Variants in ADGRB3 observed in about 807,000 individuals in gnomAD.
ADGRB3 encodes the protein brain-specific angiogenesis inhibitor 3.
A neutral mutation model predicts 193.4 loss-of-function variants in ADGRB3; 37 were observed. The ratio of observed to expected loss-of-function variants is 0.19; its 90% CI spans 0.15 to 0.25. The LOEUF (loss-of-function observed/expected upper bound fraction) is 0.25. ADGRB3 is among the 10% of genes least tolerant of loss of function. The pLI, the probability that ADGRB3 is intolerant of heterozygous loss-of-function variation, is 1.00. For missense variants in ADGRB3, 1,637 were observed against 1,852.9 expected, an observed-to-expected ratio of 0.88 and a Z score of 2.14; for synonymous variants, 690 against 644.2, an observed-to-expected ratio of 1.07 and a Z score of -1.08.
chr6:68,919,453 T>C (rs921833353), intron 3 of ADGRB3, among the ~76,000 whole-genome samples: 3 of 152,100 alleles, frequency 2.0e-5, no homozygotes, highest in African/African-American at 4.8e-5. Flanking sequence ...AAAATGTATA[T>C]TGGCCGATGA....
At chr6:68,894,175 A>G (rs1162981431) in intron 3 of ADGRB3, among the ~76,000 whole-genome samples, 1 of 151,926 alleles carries the variant, frequency 6.6e-6, no homozygotes. Context: ...TCCATGACCC[A>G]TTGCTTGGCA....
At chr6:68,662,709 A>G (rs1187464949) in intron 3 of ADGRB3, among the ~76,000 whole-genome samples, 1 of 151,474 alleles carries the variant, frequency 6.6e-6, no homozygotes, top group Non-Finnish European at 1.5e-5. Context: ...ACAATGTATC[A>G]TCTATAAAAA....
chr6:68,825,417 A>G (rs1767824425), intron 3 of ADGRB3, among the ~76,000 whole-genome samples: 5 of 152,200 alleles, frequency 3.3e-5, no homozygotes, highest in Admixed American at 2.6e-4. Flanking sequence ...ACATAAACAG[A>G]ATTTTCATTT....
At chr6:68,772,070 A>G (rs977741970) in intron 3 of ADGRB3, among the ~76,000 whole-genome samples, 1 of 152,164 alleles carries the variant, frequency 6.6e-6, no homozygotes, top group Non-Finnish European at 1.5e-5. Flanking sequence ...AGCACTTAGT[A>G]GGAGGAATTG....
intron 17 of ADGRB3, among the ~76,000 whole-genome samples, chr6:69,199,884 T>C (rs1765384613): frequency 6.6e-6 from 1 of 152,142 alleles, no homozygotes; most frequent in Admixed American, 6.6e-5. Context: ...AGTGATTATG[T>C]ACATAAATAT....
At chr6:69,354,688 T>C (rs1490656304) in intron 27 of ADGRB3, among the ~76,000 whole-genome samples, 4 of 152,190 alleles carry the variant, frequency 2.6e-5, no homozygotes, top group African/African-American at 7.2e-5. Context: ...TTCTTGGCCT[T>C]AGTGAAACAT....
At chr6:68,654,575 T>A (rs1385695641) in intron 3 of ADGRB3, among the ~76,000 whole-genome samples, 1 of 151,942 alleles carries the variant, frequency 6.6e-6, no homozygotes, top group African/African-American at 2.4e-5. Flanking sequence ...CCTTTGTATA[T>A]CTGATCTGTC....
At chr6:68,861,027 C>T (rs79541554) in intron 3 of ADGRB3, among the ~76,000 whole-genome samples, 8,806 of 152,170 alleles carry the variant, frequency 0.058, 343 homozygotes, top group Non-Finnish European at 0.085. Flanking sequence ...TATCTTGCAC[C>T]ACAGATGGAT....
chr6:68,813,731 G>A (rs951164413), intron 3 of ADGRB3, among the ~76,000 whole-genome samples: 11 of 151,826 alleles, frequency 7.2e-5, no homozygotes, highest in South Asian at 4.2e-4. Flanking sequence ...AACAGGCCCC[G>A]GTGTGTGATG....
intron 10 of ADGRB3, among the ~76,000 whole-genome samples, chr6:68,993,012 T>G (rs1369037657): frequency 2.6e-5 from 4 of 152,148 alleles, no homozygotes; most frequent in African/African-American, 9.7e-5. Flanking sequence ...TTTCTTTACC[T>G]TCTCTTACCT....
At chr6:69,217,288 A>G (rs566650413) in intron 17 of ADGRB3, among the ~76,000 whole-genome samples, 28 of 152,300 alleles carry the variant, frequency 1.8e-4, no homozygotes, top group Non-Finnish European at 3.7e-4. Context: ...GAGAGTTCTT[A>G]TCAGTACTTG....
chr6:69,339,550 A>G (rs1409499687), intron 26 of ADGRB3, 46 bp downstream of exon 26: 2 of 1,557,880 alleles, frequency 1.3e-6, no homozygotes, highest in Non-Finnish European at 1.8e-6. Flanking sequence ...TTGGAATGGT[A>G]TTTCCTTGCT....
intron 3 of ADGRB3, among the ~76,000 whole-genome samples, chr6:68,893,758 CTTAAG>C (rs1347955345): frequency 6.6e-6 from 1 of 151,866 alleles, no homozygotes; most frequent in African/African-American, 2.4e-5. Flanking sequence ...ATTCCATGTA[CTTAAG>C]TTTTTTGCCA....
intron 3 of ADGRB3, among the ~76,000 whole-genome samples, chr6:68,914,525 A>C (rs1265881881): frequency 1.3e-5 from 2 of 152,172 alleles, no homozygotes; most frequent in Admixed American, 6.5e-5. Flanking sequence ...GCCTGCCCTA[A>C]AGGAGCTCCT....
chr6:69,077,182 A>G (rs904789047), intron 17 of ADGRB3, among the ~76,000 whole-genome samples: 25 of 151,998 alleles, frequency 1.6e-4, no homozygotes, highest in Non-Finnish European at 2.1e-4. Flanking sequence ...TGATGTCATT[A>G]TTATTTTTTT....
chr6:68,800,967 A>G (rs1767299392), intron 3 of ADGRB3, among the ~76,000 whole-genome samples: 1 of 152,178 alleles, frequency 6.6e-6, no homozygotes. Context: ...CTTGTACCTT[A>G]TAAACTGTTT....
chr6:68,995,868 T>C (rs1056059487), intron 11 of ADGRB3, among the ~76,000 whole-genome samples: 30 of 152,120 alleles, frequency 2.0e-4, no homozygotes, highest in African/African-American at 7.2e-4. Flanking sequence ...TATCTGAAAA[T>C]GATTTTTCTC....
At chr6:69,230,575 T>C (rs1264317592) in intron 17 of ADGRB3, among the ~76,000 whole-genome samples, 1 of 152,200 alleles carries the variant, frequency 6.6e-6, no homozygotes, top group Non-Finnish European at 1.5e-5. Flanking sequence ...ACATACTATA[T>C]AGTTTGTAAT....
intron 3 of ADGRB3, among the ~76,000 whole-genome samples, chr6:68,756,260 TAAG>T (rs1766297093): frequency 6.6e-6 from 1 of 152,218 alleles, no homozygotes; most frequent in Non-Finnish European, 1.5e-5. Context: ...AGCATTTGTT[TAAG>T]AAGAGAGTAA....
Sources: gnomAD v4.1 joint callset for allele counts (sites outside exome capture counted in the v4.1 genomes callset) on GRCh38, gnomAD v4.1.1 for gene constraint, MANE v1.5 for transcripts, NCBI Gene and HGNC (gene_info 2026-07-23, HGNC 2026-07-21) for gene names.